The following INPP5A variants were observed in gnomAD, a reference collection of about 807,000 sequenced individuals.
The protein encoded by INPP5A is inositol polyphosphate-5-phosphatase A.
In INPP5A, 14 loss-of-function variants were observed where a neutral mutation model predicts 65.2. That is an observed-to-expected ratio of 0.21 (90% CI 0.14 to 0.34). The LOEUF (loss-of-function observed/expected upper bound fraction) is 0.34. INPP5A is among the 10% of genes least tolerant of loss of function. INPP5A has a pLI of 1.00. For synonymous variants in INPP5A, 207 were observed against 208.3 expected (o/e 0.99, Z 0.05); for missense variants, 431 against 545.6 (o/e 0.79, Z 2.09).
In INPP5A at chr10:132,637,408, A is replaced by G. The variant is rs541207593; in HGVS notation, c.118-8460A>G. Reference sequence around the variant, plus strand: ...TGTTAGGTGTTTCAGGTGAGTGTGTAAGTGCGGGTCTTTTTCTGTTTTGAA... The same window carrying G: ...TGTTAGGTGTTTCAGGTGAGTGTGTGAGTGCGGGTCTTTTTCTGTTTTGAA... On this transcript the variant is annotated intron_variant, in intron 2 of 15. Coordinates refer to ENST00000368594, the MANE Select transcript of INPP5A (RefSeq NM_005539.5). The surrounding 1 kb of genome is among the most constrained non-coding windows in gnomAD (Gnocchi z 4.1). 2.0e-5 allele frequency among the ~76,000 whole-genome samples: 3 copies of G among 148,546 alleles called. No individual in the cohort carries two copies. In the East Asian group the frequency reaches 6.1e-4, roughly 30 times the overall value.
chr10:132,581,832 G>A (rs1055834006), intron 1 of INPP5A, among the ~76,000 whole-genome samples: 2 of 151,962 alleles, frequency 1.3e-5, no homozygotes, highest in East Asian at 3.9e-4. Context: ...TCTGTGGCTT[G>A]CCTGTTCATT....
intron 14 of INPP5A, among the ~76,000 whole-genome samples, chr10:132,781,520 G>A (rs1012893617): frequency 1.3e-5 from 2 of 152,256 alleles, no homozygotes; most frequent in African/African-American, 4.8e-5. Context: ...CGGCAGAGCC[G>A]AGGACGGGAG....
chr10:132,761,021 C>T (rs1846723544), intron 11 of INPP5A, among the ~76,000 whole-genome samples: 1 of 152,234 alleles, frequency 6.6e-6, no homozygotes. Flanking sequence ...TATAAATACA[C>T]ACTTGGCAAA....
chr10:132,673,472 C>G (rs2072921612), intron 4 of INPP5A, among the ~76,000 whole-genome samples: 1 of 152,202 alleles, frequency 6.6e-6, no homozygotes, highest in South Asian at 2.1e-4. Flanking sequence ...TGTCCCAGCC[C>G]TGCAAAGTAT....
At chr10:132,752,815 C>T (rs1315365105) in intron 11 of INPP5A, among the ~76,000 whole-genome samples, 6 of 152,088 alleles carry the variant, frequency 3.9e-5, no homozygotes, top group African/African-American at 1.5e-4. Flanking sequence ...CAGAGCACGC[C>T]CCTGCTGTCG....
chr10:132,760,220 C>T (rs1254509263), intron 11 of INPP5A, among the ~76,000 whole-genome samples: 3 of 152,258 alleles, frequency 2.0e-5, no homozygotes, highest in East Asian at 1.9e-4. Context: ...CAAAGGCCTA[C>T]GTGGTAAGGC....
At chr10:132,600,065 A>G (rs1243278764) in intron 1 of INPP5A, among the ~76,000 whole-genome samples, 1 of 152,136 alleles carries the variant, frequency 6.6e-6, no homozygotes, top group Non-Finnish European at 1.5e-5. Context: ...CATTTTCCAC[A>G]TGGTCTTGGG....
chr10:132,681,174 C>CA (rs2073039103), intron 4 of INPP5A, among the ~76,000 whole-genome samples: 1 of 152,228 alleles, frequency 6.6e-6, no homozygotes, highest in Non-Finnish European at 1.5e-5. Context: ...GTAAACGCAC[C>CA]AATCAGCGCC....
chr10:132,634,790 C>T (rs1354133528), intron 2 of INPP5A, among the ~76,000 whole-genome samples: 1 of 152,270 alleles, frequency 6.6e-6, no homozygotes, highest in Non-Finnish European at 1.5e-5. Flanking sequence ...GCCACTGCGG[C>T]TCACGGTGGC....
intron 4 of INPP5A, among the ~76,000 whole-genome samples, chr10:132,669,990 C>T (rs2072861425): frequency 6.6e-6 from 1 of 151,848 alleles, no homozygotes; most frequent in East Asian, 1.9e-4. Flanking sequence ...GGTCACCAAC[C>T]TCTTTGCAGA....
intron 1 of INPP5A, among the ~76,000 whole-genome samples, chr10:132,568,783 AAG>A (rs1333129962): frequency 6.6e-6 from 1 of 151,866 alleles, no homozygotes; most frequent in East Asian, 1.9e-4. Flanking sequence ...AAACACAAAA[AAG>A]AATTTTTTTG....
At chr10:132,667,566 G>C (rs1200667239) in intron 4 of INPP5A, among the ~76,000 whole-genome samples, 2 of 152,234 alleles carry the variant, frequency 1.3e-5, no homozygotes, top group African/African-American at 4.8e-5. Context: ...AAGAGGCCCA[G>C]ACAGCTTCCT....
At chr10:132,730,478 C>T (rs1465542405) in intron 9 of INPP5A, among the ~76,000 whole-genome samples, 6 of 152,262 alleles carry the variant, frequency 3.9e-5, no homozygotes, top group Non-Finnish European at 7.3e-5. Context: ...GCAGGCTCCT[C>T]GGCCGCTCTG....
At chr10:132,613,281 C>G (rs1034609437) in intron 2 of INPP5A, among the ~76,000 whole-genome samples, 15 of 145,292 alleles carry the variant, frequency 1.0e-4, no homozygotes, top group Non-Finnish European at 2.1e-4. Context: ...AGTCCCCCCG[C>G]AGGGCCCCCT....
rs2070863801 is a variant in INPP5A at position 132,538,102 on chromosome 10, G to A, written c.6G>A (p.Ala2=). 1 of 1,208,948 alleles carries A rather than the reference G, an allele frequency of 8.3e-7. No individual in the cohort carries two copies. Among genetic ancestry groups the A allele is most frequent in the Non-Finnish European group, 1.0e-6 (1 of 971,686 alleles). The allele number at this position is 1,208,948 out of a possible 1,614,324, so 74.9% of individuals were successfully genotyped here. A position where few individuals can be genotyped will look rare whatever the true frequency, so the allele number is the denominator to read the frequency against. The change falls in exon 1 of 16, where the codon GCG becomes GCA. Residue 2 remains alanine (A), a synonymous_variant. Transcript: ENST00000368594. The surrounding 1 kb of genome is among the most constrained non-coding windows in gnomAD (Gnocchi z 4.1). ...GCCCGCGCCGCCCGGGCACCATGGC[G>A]GGGAAGGCGGCCGCCCCGGGCACCG... M[A]GKAAAPGTAV...
chr10:132,640,848 A>G (rs992548545), intron 2 of INPP5A, among the ~76,000 whole-genome samples: 1 of 152,184 alleles, frequency 6.6e-6, no homozygotes, highest in Non-Finnish European at 1.5e-5. Flanking sequence ...TCCCCCACAC[A>G]GTGTCCGTGG....
rs2072039984 is a variant in INPP5A, at chr10:132,616,753, A to G, written c.117+8797A>G. ...TGACATGGCGATGTGTCATGTGGTG[A>G]TGGGGGACGTGGCGTGGGGGATATG... is the stretch of plus-strand genomic sequence containing the variant. On this transcript the variant is annotated intron_variant, in intron 2 of 15. Transcript: ENST00000368594. The surrounding 1 kb of genome is among the most constrained non-coding windows in gnomAD (Gnocchi z 4.9). Among the ~76,000 whole-genome samples the G allele has an allele frequency of 1.4e-5, 2 of 139,036 alleles. No individual in the cohort carries two copies. Among genetic ancestry groups the G allele is most frequent in the South Asian group, 2.5e-4 (1 of 4,036 alleles). The allele number at this position is 139,036 out of a possible 152,430, so 91.2% of individuals were successfully genotyped here.
intron 2 of INPP5A, among the ~76,000 whole-genome samples, chr10:132,617,146 T>C (rs997722110): frequency 2.6e-5 from 4 of 152,184 alleles, no homozygotes; most frequent in Admixed American, 1.3e-4. Context: ...CTGTATTGAT[T>C]CTTGGTCTCC....
intron 12 of INPP5A, among the ~76,000 whole-genome samples, chr10:132,775,339 C>CA (rs1847046248): frequency 1.3e-5 from 2 of 152,000 alleles, no homozygotes; most frequent in South Asian, 4.1e-4. Context: ...CCTCCCCCCC[C>CA]ACCCAGCAGG....
Sources: allele counts gnomAD v4.1 joint callset (sites outside exome capture counted in the v4.1 genomes callset), GRCh38; gene constraint gnomAD v4.1.1; non-coding constraint Gnocchi (gnomAD v3.1); transcripts MANE v1.5; gene names NCBI Gene and HGNC (gene_info 2026-07-23, HGNC 2026-07-21).